The following ZPBP variants were observed in gnomAD, a reference collection of about 807,000 sequenced individuals.
ZPBP encodes zona pellucida-binding protein 1.
ZPBP carries 26 observed loss-of-function variants against 44.8 expected under a neutral mutation model. That is an observed-to-expected ratio of 0.58 (90% confidence interval 0.43 to 0.81). The LOEUF is 0.81. Ranked by LOEUF, ZPBP falls within the 30% of genes least tolerant of loss-of-function variation. ZPBP has a pLI of 0.00. For synonymous variants in ZPBP, 174 were observed against 153.2 expected, an observed-to-expected ratio of 1.14 and a Z score of -1.00; for missense variants, 409 against 434.0, an observed-to-expected ratio of 0.94 and a Z score of 0.51.
chr7:49,860,578 C>G (rs1186450503), intron 2 of ZPBP, among the ~76,000 whole-genome samples: 2 of 152,244 alleles, frequency 1.3e-5, no homozygotes, highest in Non-Finnish European at 2.9e-5. Context: ...ATACAAGTAT[C>G]TGTTTCAGCC....
intron 2 of ZPBP, among the ~76,000 whole-genome samples, chr7:49,860,423 A>G (rs751320748): frequency 4.5e-4 from 68 of 152,296 alleles, no homozygotes; most frequent in Non-Finnish European, 8.2e-4. Context: ...TGTAGCATGG[A>G]TTAGTGCTTC....
At position 50,031,298 on chromosome 7, in the gene ZPBP, G is replaced by T; in HGVS notation, c.500C>A (p.Pro167His). 1 of 1,609,446 alleles carries T rather than the reference G, an allele frequency of 6.2e-7. No homozygotes were observed. The highest frequency in any genetic ancestry group is 1.1e-5 in the South Asian group (1 of 90,224). Residue 167 changes from proline (P) to histidine (H), a missense_variant, in exon 5 of 8, where the codon CCT (proline) becomes CAT (histidine). Pro to His is a moderately conservative substitution (Grantham distance 77, BLOSUM62 -2). Transcript: ENST00000046087. ...LKYAIYAYRE[P>H]HYYYQFTARY... ...AGCTGTGAACTGATAATAATAATGA[G>T]GCTCACGATAAGCTGTAAAAAATTA...
chr7:49,882,613 A>G (rs1476497018), intron 2 of ZPBP, among the ~76,000 whole-genome samples: 1 of 152,004 alleles, frequency 6.6e-6, no homozygotes, highest in African/African-American at 2.4e-5. Flanking sequence ...TGAGTACAGA[A>G]AGGAGGCAGG....
chr7:49,889,649 C>T (rs1792046165), intron 2 of ZPBP, among the ~76,000 whole-genome samples: 1 of 152,112 alleles, frequency 6.6e-6, no homozygotes, highest in East Asian at 1.9e-4. Flanking sequence ...CCTTTTTGCT[C>T]CTTAAGTTTG....
At chr7:50,020,557 C>A (rs1310458944) in intron 5 of ZPBP, among the ~76,000 whole-genome samples, 1 of 152,056 alleles carries the variant, frequency 6.6e-6, no homozygotes, top group Non-Finnish European at 1.5e-5. Context: ...CAGCTATCTC[C>A]TCCTAAGCTT....
chr7:49,874,468 G>A (rs943004593), intron 2 of ZPBP, among the ~76,000 whole-genome samples: 7 of 152,032 alleles, frequency 4.6e-5, no homozygotes, highest in Admixed American at 2.6e-4. Context: ...TGCACCCTCT[G>A]ATGTTCACAT....
At chr7:50,026,400 G>A (rs953243731) in intron 5 of ZPBP, among the ~76,000 whole-genome samples, 4 of 151,778 alleles carry the variant, frequency 2.6e-5, no homozygotes, top group African/African-American at 7.3e-5. Flanking sequence ...TCAATAAGCA[G>A]ATAGAGCACT....
intron 4 of ZPBP, among the ~76,000 whole-genome samples, chr7:50,048,300 T>A (rs986319701): frequency 2.0e-5 from 3 of 151,978 alleles, no homozygotes; most frequent in Non-Finnish European, 1.5e-5. Context: ...CCACTTACAA[T>A]GATGAATAAA....
chr7:49,841,449 T>A, the ZPBP span, among the ~76,000 whole-genome samples: 2 of 152,190 alleles, frequency 1.3e-5, no homozygotes, highest in South Asian at 4.1e-4. Context: ...AGGTAGGGAT[T>A]CAGTGTTTTA....
chr7:49,841,117 A>G, the ZPBP span, among the ~76,000 whole-genome samples: 3 of 152,220 alleles, frequency 2.0e-5, no homozygotes, highest in Non-Finnish European at 2.9e-5. Flanking sequence ...GACATAATGC[A>G]TACAAGCGAA....
chr7:50,021,947 G>T (rs1158027384), intron 5 of ZPBP, among the ~76,000 whole-genome samples: 2 of 152,092 alleles, frequency 1.3e-5, no homozygotes, highest in Non-Finnish European at 2.9e-5. Flanking sequence ...CAGCAAGAAA[G>T]AAGTAATTTG....
At chr7:49,959,701 A>G (rs1795769864) in intron 7 of ZPBP, among the ~76,000 whole-genome samples, 1 of 152,194 alleles carries the variant, frequency 6.6e-6, no homozygotes, top group Non-Finnish European at 1.5e-5. Context: ...AGTCAATGAA[A>G]TCAATTCAAA....
chr7:49,848,642 G>A (rs759039833), downstream of ZPBP, among the ~76,000 whole-genome samples: 1 of 152,186 alleles, frequency 6.6e-6, no homozygotes, highest in Non-Finnish European at 1.5e-5. Context: ...TCAAAAATAT[G>A]TGCATCTATA....
At chr7:49,957,551 T>C (rs1026296999) in intron 7 of ZPBP, among the ~76,000 whole-genome samples, 3 of 152,152 alleles carry the variant, frequency 2.0e-5, no homozygotes, top group Non-Finnish European at 4.4e-5. Context: ...TCACTGATTG[T>C]AAGAATACAA....
chr7:50,035,543 ACTGAT>A (rs1345602062), intron 4 of ZPBP, among the ~76,000 whole-genome samples: 1 of 152,230 alleles, frequency 6.6e-6, no homozygotes, highest in Non-Finnish European at 1.5e-5. Context: ...TTTGAGAACC[ACTGAT>A]CTATAGTCAA....
chr7:49,880,185 A>G (rs1424648252), intron 2 of ZPBP, among the ~76,000 whole-genome samples: 1 of 152,124 alleles, frequency 6.6e-6, no homozygotes, highest in African/African-American at 2.4e-5. Flanking sequence ...AAATTTTATC[A>G]GTGTCTTTTT....
intron 7 of ZPBP, among the ~76,000 whole-genome samples, chr7:49,981,344 TATATAATATATATTATA>T (rs1796883719): frequency 4.5e-5 from 2 of 44,576 alleles, no homozygotes; most frequent in East Asian, 1.2e-3. Context: ...TTATATATAT[TATATAATATATATTATA>T]TATAATTATA....
rs147825204 is a variant in ZPBP, at chr7:50,044,953, G to A, written c.487+13036C>T. 7.8e-3 allele frequency among the ~76,000 whole-genome samples: 1,187 copies of A among 152,232 alleles called. 25 individuals carry two copies. Among genetic ancestry groups the A allele is most frequent in the African/African-American group, 0.027 (1,123 of 41,536 alleles). ...GCACATCAAAAAGCTTATCCACCACGATCAAGTCAGCTTCAACTCTGGGAT... is the reference window on the plus strand; with the variant it reads ...GCACATCAAAAAGCTTATCCACCACAATCAAGTCAGCTTCAACTCTGGGAT... On this transcript the variant is annotated intron_variant, in intron 4 of 7. Coordinates refer to ENST00000046087, the MANE Select transcript of ZPBP (RefSeq NM_007009.3).
rs572445932 is a variant in ZPBP at position 49,976,997 on chromosome 7, G to A, written c.961+6345C>T. Among the ~76,000 whole-genome samples, 95 of 152,052 alleles carry A rather than the reference G, an allele frequency of 6.2e-4. 3 individuals carry two copies. The South Asian group carries it at 0.019, about 31-fold the overall frequency. The stretch of plus-strand genomic sequence containing the variant: ...GGCGCCTGTAGTCCCAGCTGCTCGG[G>A]CGCCTGAGGCAGGAGAAGGGCGTGA... On this transcript the variant is annotated intron_variant, in intron 7 of 7. Coordinates refer to ENST00000046087, the MANE Select transcript of ZPBP (RefSeq NM_007009.3).
Sources: allele counts gnomAD v4.1 joint callset (sites outside exome capture counted in the v4.1 genomes callset), GRCh38; gene constraint gnomAD v4.1.1; transcripts MANE v1.5; gene names NCBI Gene and HGNC (gene_info 2026-07-23, HGNC 2026-07-21).